The following DNAH3 variants were observed in gnomAD, a reference collection of about 807,000 sequenced individuals.
The protein encoded by DNAH3 is axonemal beta dynein heavy chain 3.
Under a neutral mutation model 432.5 loss-of-function variants are expected in DNAH3, and 332 were observed. That is an observed-to-expected ratio of 0.77 (90% confidence interval 0.70 to 0.84). The LOEUF (loss-of-function observed/expected upper bound fraction) is 0.84, where lower values mean the gene tolerates loss of function less well. DNAH3 is among the 40% of genes least tolerant of loss of function. The probability of loss-of-function intolerance (pLI) is 0.00; values close to 1 mark genes in which losing one functional copy is unlikely to be tolerated. For missense variants in DNAH3, 4,861 were observed against 5,114.0 expected (o/e 0.95, Z 1.51); for synonymous variants, 1,956 against 1,900.2 (o/e 1.03, Z -0.76).
intron 14 of DNAH3, among the ~76,000 whole-genome samples, chr16:21,110,850 G>A (rs1401538093): frequency 2.6e-5 from 4 of 151,940 alleles, no homozygotes; most frequent in African/African-American, 9.7e-5. Context: ...CTCCAGCCTA[G>A]GGGACAGAAC....
chr16:21,113,326 G>A (rs1306602702), intron 12 of DNAH3, among the ~76,000 whole-genome samples: 1 of 152,026 alleles, frequency 6.6e-6, no homozygotes, highest in Non-Finnish European at 1.5e-5. Flanking sequence ...GGTTTACCAG[G>A]GGTTTCTGCT....
intron 40 of DNAH3, among the ~76,000 whole-genome samples, 198 bp downstream of exon 40, chr16:21,021,773 G>A (rs1278022290): frequency 6.6e-6 from 1 of 151,870 alleles, no homozygotes; most frequent in Admixed American, 6.6e-5. Context: ...TAGAAGTGGT[G>A]CGTAACTTAA....
intron 1 of DNAH3, among the ~76,000 whole-genome samples, chr16:21,154,516 T>C (rs2092886204): frequency 2.0e-5 from 3 of 152,236 alleles, no homozygotes; most frequent in Admixed American, 2.0e-4. Context: ...AGTCTACTAG[T>C]GTTTAAAACT....
At chr16:21,146,154 T>C in intron 1 of DNAH3, 66 bp from the exon 3 acceptor site, 2 of 1,171,208 alleles carry the variant, frequency 1.7e-6, no homozygotes, top group Non-Finnish European at 2.6e-6. Context: ...TCTGAGTTGG[T>C]TAGGACTAAA....
intron 35 of DNAH3, among the ~76,000 whole-genome samples, chr16:21,035,184 G>A (rs948379969): frequency 5.9e-5 from 9 of 152,082 alleles, no homozygotes; most frequent in African/African-American, 1.7e-4. Context: ...AAAATTAGCC[G>A]GGCATAGTGG....
chr16:20,986,625 AGTTGAAGGATG>A, intron 47 of DNAH3, among the ~76,000 whole-genome samples: 1 of 152,336 alleles, frequency 6.6e-6, no homozygotes, highest in South Asian at 2.1e-4. Flanking sequence ...CAGAAAAGAC[AGTTGAAGGATG>A]TGCTTTTCTT....
chr16:21,130,519 G>A (rs893439946), intron 7 of DNAH3, among the ~76,000 whole-genome samples: 2 of 151,918 alleles, frequency 1.3e-5, no homozygotes, highest in Admixed American at 6.6e-5. Context: ...TGGTCAGGCT[G>A]GTGTCCAACT....
At chr16:20,988,178 C>T in intron 44 of DNAH3, 113 bp from the exon 45 acceptor site, 2 of 1,402,746 alleles carry the variant, frequency 1.4e-6, no homozygotes, top group Non-Finnish European at 1.9e-6. Flanking sequence ...TGTTCCAGAG[C>T]TGTGCTGTGC....
At chr16:20,946,943 G>A (rs763570427) in intron 57 of DNAH3, among the ~76,000 whole-genome samples, 9 of 143,260 alleles carry the variant, frequency 6.3e-5, no homozygotes, top group Non-Finnish European at 1.1e-4. Flanking sequence ...TCCCACCTCC[G>A]CCTCCTGAGT....
chr16:21,136,375 G>A, exon 6 of DNAH3: 2 of 1,613,968 alleles, frequency 1.2e-6, no homozygotes, highest in Non-Finnish European at 8.5e-7. Flanking sequence ...TCCTGCACGA[G>A]GACCACCATC....
intron 20 of DNAH3, among the ~76,000 whole-genome samples, chr16:21,076,174 G>A (rs2639781): frequency 0.21 from 32,031 of 151,940 alleles, 3,581 homozygotes; most frequent in East Asian, 0.46. Context: ...TTTGGAGAAA[G>A]GATCTTTAAA....
At chr16:21,063,308 C>T (rs1055228540) in intron 24 of DNAH3, among the ~76,000 whole-genome samples, 8 of 151,954 alleles carry the variant, frequency 5.3e-5, no homozygotes, top group African/African-American at 9.7e-5. Context: ...TTCTAATGTG[C>T]AGTCAGTGTT....
chr16:21,056,112 G>A (rs999829444), intron 27 of DNAH3, among the ~76,000 whole-genome samples: 2 of 151,604 alleles, frequency 1.3e-5, no homozygotes, highest in Non-Finnish European at 2.9e-5. Context: ...TGGTGTTGGG[G>A]CTTCTCCCCA....
intron 31 of DNAH3, among the ~76,000 whole-genome samples, chr16:21,045,850 G>A (rs1158910345): frequency 6.5e-5 from 9 of 138,054 alleles, no homozygotes; most frequent in South Asian, 5.3e-4. Flanking sequence ...CTTTGAATGC[G>A]TCCCAGAGAT....
In DNAH3 at chr16:21,002,610, C is replaced by T. The variant is rs376280887; in HGVS notation, c.6126+494G>A. On this transcript the variant is annotated intron_variant, in intron 42 of 61. Coordinates refer to ENST00000261383, the Ensembl canonical transcript of DNAH3. ...CCAAGTAGCTGGGATTACAGGCATG[C>T]GCCACCACGCCCAGCTAATTTTGTA... is the stretch of plus-strand genomic sequence containing the variant. Among the ~76,000 whole-genome samples the T allele has an allele frequency of 2.1e-4, 32 of 152,074 alleles. No individual in the cohort carries two copies. In the South Asian group the frequency reaches 6.2e-3, roughly 30 times the overall value.
chr16:21,045,283 G>A (rs1249148774), intron 31 of DNAH3, among the ~76,000 whole-genome samples: 4 of 151,590 alleles, frequency 2.6e-5, no homozygotes, highest in Non-Finnish European at 4.4e-5. Flanking sequence ...GGTAGAATTC[G>A]GCTGTGAATC....
intron 41 of DNAH3, among the ~76,000 whole-genome samples, chr16:21,011,888 A>G (rs909364851): frequency 4.6e-5 from 7 of 152,204 alleles, no homozygotes; most frequent in Non-Finnish European, 8.8e-5. Flanking sequence ...TTTCCTACAT[A>G]CCATGCTTTA....
chr16:21,084,017 C>T (rs1297454988), intron 19 of DNAH3, among the ~76,000 whole-genome samples: 4 of 152,208 alleles, frequency 2.6e-5, no homozygotes, highest in African/African-American at 9.6e-5. Flanking sequence ...CTACTGCCCG[C>T]TCCCTTCCTC....
chr16:21,088,162 C>T (rs2091433977), intron 18 of DNAH3, among the ~76,000 whole-genome samples: 3 of 152,032 alleles, frequency 2.0e-5, no homozygotes, highest in African/African-American at 7.2e-5. Flanking sequence ...TCACATGCTT[C>T]ATCAACCCAA....
Sources: gnomAD v4.1 joint callset for allele counts (sites outside exome capture counted in the v4.1 genomes callset) on GRCh38, gnomAD v4.1.1 for gene constraint, MANE v1.5 for transcripts, NCBI Gene and HGNC (gene_info 2026-07-23, HGNC 2026-07-21) for gene names.